The following VARS2 variants were observed in gnomAD, a reference collection of about 807,000 sequenced individuals.
VARS2 encodes the protein valyl-tRNA synthetase 2, mitochondrial, also known as valine--tRNA ligase, mitochondrial.
VARS2 carries 105 observed loss-of-function variants against 154.1 expected under a neutral mutation model. The ratio of observed to expected loss-of-function variants is 0.68; its 90% CI spans 0.58 to 0.80. The LOEUF (loss-of-function observed/expected upper bound fraction) is 0.80. VARS2 is among the 30% of genes least tolerant of loss of function. The pLI is 0.00. For synonymous variants in VARS2, 483 were observed against 539.5 expected (o/e 0.90, Z 1.45); for missense variants, 1,157 against 1,361.4 (o/e 0.85, Z 2.36).
chr6:30,920,928 T>G lies in VARS2; in HGVS notation c.1480-137T>G, dbSNP rs1268161258. On this transcript the variant is annotated intron_variant, in intron 15 of 29. Transcript: ENST00000676266. This position sits in a 1 kb window ranked among gnomAD's most constrained non-coding sequence, Gnocchi z 4.6. ...AGCAAGGGCTGGCTCATATCCTTAC[T>G]CAAGCCCAGAATCTTGGCAAGAGGC... The G allele has an allele frequency of 5.9e-6, 7 of 1,177,080 alleles. No individual in the cohort carries two copies. The highest frequency in any genetic ancestry group is 2.6e-4 in the Middle Eastern group (1 of 3,858). The allele number at this position is 1,177,080 out of a possible 1,614,324, so 72.9% of individuals were successfully genotyped here. A position where few individuals can be genotyped will look rare whatever the true frequency, so the allele number is the denominator to read the frequency against.
chr6:30,914,685 T>G, intron 1 of VARS2, 125 bp from the exon 2 acceptor site: 1 of 1,141,664 alleles, frequency 8.8e-7, no homozygotes, highest in Non-Finnish European at 1.2e-6. Flanking sequence ...AGGAAAGGTT[T>G]TGTGGAAGGG....
rs1794402762 is a variant in VARS2, at chr6:30,919,985, CAGAG to C, written c.1166-102_1166-99del. On this transcript the variant is annotated intron_variant, in intron 12 of 29. Coordinates refer to ENST00000676266, the MANE Select transcript of VARS2 (RefSeq NM_020442.6). The surrounding 1 kb of genome is among the most constrained non-coding windows in gnomAD (Gnocchi z 4.5). Reference sequence around the variant, plus strand: ...GTGGGGAATGGGAGGGAGGCACAGACAGAGAAAGTCGCAGGGGCTGGGGCGGTGC... The same window carrying C: ...GTGGGGAATGGGAGGGAGGCACAGACAAAGTCGCAGGGGCTGGGGCGGTGC... 1 of 640,286 alleles carries C rather than the reference CAGAG, an allele frequency of 1.6e-6. No homozygotes were observed. Among genetic ancestry groups the C allele is most frequent in the Non-Finnish European group, 2.1e-6 (1 of 465,460 alleles). 39.7% of individuals were successfully genotyped at this position (640,286 alleles called of 1,614,324 possible). A position where few individuals can be genotyped will look rare whatever the true frequency, so the allele number is the denominator to read the frequency against.
chr6:30,925,799 T>C, intron 28 of VARS2, 80 bp downstream of exon 28: 3 of 1,610,718 alleles, frequency 1.9e-6, no homozygotes, highest in South Asian at 2.2e-5. Flanking sequence ...CTCTATAAAG[T>C]AGGGGAAGGG....
Position 30,920,382 on chromosome 6 carries a change from A to C in VARS2, c.1343A>C (p.Glu448Ala). ...GAAAAGATAATGTCTGTGCTGAGTG[A>C]ATGGGGCCTGTTCCGGGGCCTCCAG... Reference protein sequence around the residue: ...AREKIMSVLSEWGLFRGLQNH... With the variant: ...AREKIMSVLSAWGLFRGLQNH... Residue 448 changes from glutamate (E) to alanine (A), a missense_variant, in exon 14 of 30, where the codon GAA becomes GCA. Coordinates refer to ENST00000676266, the MANE Select transcript of VARS2 (RefSeq NM_020442.6). The surrounding 1 kb of genome is among the most constrained non-coding windows in gnomAD (Gnocchi z 4.6). 6.2e-7 allele frequency: 1 copy of C among 1,613,350 alleles called. No individual in the cohort carries two copies. The highest frequency in any genetic ancestry group is 8.5e-7 in the Non-Finnish European group (1 of 1,179,688).
In VARS2 at chr6:30,919,616, G is replaced by T; in HGVS notation, c.1075-142G>T. On this transcript the variant is annotated intron_variant, in intron 11 of 29. Coordinates refer to ENST00000676266, the MANE Select transcript of VARS2 (RefSeq NM_020442.6). This position sits in a 1 kb window ranked among gnomAD's most constrained non-coding sequence, Gnocchi z 4.5. ...CAAAAGCCTAAAATATCTACATTCT[G>T]GCCCCTTAAGAGTTTGCTGACCTTG... 1 of 558,462 alleles carries T rather than the reference G, an allele frequency of 1.8e-6. No homozygotes were observed. The highest frequency in any genetic ancestry group is 3.1e-6 in the Non-Finnish European group (1 of 325,692). The allele number at this position is 558,462 out of a possible 1,614,324, so 34.6% of individuals were successfully genotyped here. A position where few individuals can be genotyped will look rare whatever the true frequency, so the allele number is the denominator to read the frequency against.
At chr6:30,922,287 C>T (rs1342340533) in intron 20 of VARS2, 46 bp downstream of exon 20, 9 of 1,597,340 alleles carry the variant, frequency 5.6e-6, no homozygotes, top group Non-Finnish European at 7.7e-6. Flanking sequence ...CTCCAGTGTT[C>T]CCCAAACCTT....
chr6:30,920,577 T>C lies in VARS2; in HGVS notation c.1398-91T>C. On this transcript the variant is annotated intron_variant, in intron 14 of 29. Transcript: ENST00000676266. This position sits in a 1 kb window ranked among gnomAD's most constrained non-coding sequence, Gnocchi z 4.6. ...GTTTTATTCGCTATTGTATCCTCAG[T>C]ACCAAGGGCCTGGCATGGCATGGGG... is the stretch of plus-strand genomic sequence containing the variant. 1 of 1,363,572 alleles carries C rather than the reference T, an allele frequency of 7.3e-7. No homozygotes were observed. The highest frequency in any genetic ancestry group is 1.9e-4 in the Middle Eastern group (1 of 5,374). 84.5% of individuals were successfully genotyped at this position (1,363,572 alleles called of 1,614,324 possible). A position where few individuals can be genotyped will look rare whatever the true frequency, so the allele number is the denominator to read the frequency against.
chr6:30,919,950 G>C lies in VARS2; in HGVS notation c.1165+102G>C. On this transcript the variant is annotated intron_variant, in intron 12 of 29. Transcript: ENST00000676266. This position sits in a 1 kb window ranked among gnomAD's most constrained non-coding sequence, Gnocchi z 4.5. ...GTGGGAGTGGGAGATCCTCATATAGGGTGGTCTGAGTGGGGAATGGGAGGG... is the reference window on the plus strand; with the variant it reads ...GTGGGAGTGGGAGATCCTCATATAGCGTGGTCTGAGTGGGGAATGGGAGGG... 1 of 1,474,054 alleles carries C rather than the reference G, an allele frequency of 6.8e-7. No homozygotes were observed. The highest frequency in any genetic ancestry group is 9.1e-7 in the Non-Finnish European group (1 of 1,100,266). 91.3% of individuals were successfully genotyped at this position (1,474,054 alleles called of 1,614,324 possible).
chr6:30,925,538 T>C lies in VARS2; in HGVS notation c.2786-6T>C, dbSNP rs200168128. 3.8e-4 allele frequency: 592 copies of C among 1,574,232 alleles called. No individual in the cohort carries two copies. Among genetic ancestry groups the C allele is most frequent in the Middle Eastern group, 1.7e-3 (9 of 5,270 alleles). On this transcript the variant is annotated splice_polypyrimidine_tract_variant and splice_region_variant and intron_variant, in intron 27 of 29. Coordinates refer to ENST00000676266, the MANE Select transcript of VARS2 (RefSeq NM_020442.6). The stretch of plus-strand genomic sequence containing the variant: ...GCCTTGCCCCTGACAGTTTCTTTCT[T>C]TCCAGTGCTGCTGCAGAGCTCAGAG...
rs760074789 is a variant in VARS2, at chr6:30,926,200, C to T, written c.3182C>T (p.Pro1061Leu). ...GATGAGCCTCCAGCCCCAGGGAGCCCGGAGCTCTAACTCATCATCCCCATC... is the reference window on the plus strand; with the variant it reads ...GATGAGCCTCCAGCCCCAGGGAGCCTGGAGCTCTAACTCATCATCCCCATC... The part of the protein sequence containing the change: ...LMDEPPAPGS[P>L]EL Residue 1061 changes from proline (P) to leucine (L), a missense_variant, in exon 30 of 30, where the codon CCG (proline) becomes CTG (leucine). Coordinates refer to ENST00000676266, the MANE Select transcript of VARS2 (RefSeq NM_020442.6). 19 of 1,613,060 alleles carry T rather than the reference C, an allele frequency of 1.2e-5. No individual in the cohort carries two copies. In the East Asian group the frequency reaches 1.8e-4, roughly 15 times the overall value.
Position 30,920,407 on chromosome 6 carries a change from G to A in VARS2, c.1368G>A (p.Gln456=). 6.2e-7 allele frequency: 1 copy of A among 1,612,570 alleles called. No individual in the cohort carries two copies. Among genetic ancestry groups the A allele is most frequent in the South Asian group, 1.1e-5 (1 of 90,816 alleles). The change falls in exon 14 of 30, where the codon CAG becomes CAA. Residue 456 remains glutamine, a synonymous_variant. Transcript: ENST00000676266. This position sits in a 1 kb window ranked among gnomAD's most constrained non-coding sequence, Gnocchi z 4.6. ...LSEWGLFRGL[Q]NHPMVLPICS... Reference sequence around the variant, plus strand: ...AATGGGGCCTGTTCCGGGGCCTCCAGAACCACCCCATGGTACTGCCCATCT... The same window carrying A: ...AATGGGGCCTGTTCCGGGGCCTCCAAAACCACCCCATGGTACTGCCCATCT...
intron 27 of VARS2, 41 bp downstream of exon 27, chr6:30,925,426 A>G (rs773197279): frequency 6.9e-6 from 11 of 1,586,502 alleles, no homozygotes; most frequent in Non-Finnish European, 9.4e-6. Flanking sequence ...CCTGCAGGAA[A>G]AGGGGGCTGG....
rs375376279 is a variant in VARS2 at position 30,915,137 on chromosome 6, T to C, written c.202-19T>C. 5.2e-5 allele frequency: 84 copies of C among 1,613,806 alleles called. 1 individual carries two copies. In the South Asian group the frequency reaches 7.0e-4, roughly 14 times the overall value. ...CTGGGGTATACTGGATCCCAGCCTC[T>C]TCTGCTTTCTCTTCTCAGTCACCTG... On this transcript the variant is annotated intron_variant, in intron 2 of 29. Transcript: ENST00000676266.
chr6:30,915,028 G>A lies in VARS2; in HGVS notation c.192G>A (p.Gly64=). ...CGACTCTGGAGGCTGAGATAGCAGG[G>A]GAGAGCAAGGTTAGGGGTCAGACAG... ...KQATLEAEIA[G]ESKSPAESIK... Residue 64 remains glycine, a synonymous_variant, in exon 2 of 30, where the codon GGG becomes GGA. Transcript: ENST00000676266. The A allele has an allele frequency of 6.2e-7, 1 of 1,613,424 alleles. No individual in the cohort carries two copies. Among genetic ancestry groups the A allele is most frequent in the South Asian group, 1.1e-5 (1 of 91,064 alleles).
Position 30,915,879 on chromosome 6 carries a change from G to A in VARS2, c.506+12G>A. 3.1e-6 allele frequency: 5 copies of A among 1,614,102 alleles called. No individual in the cohort carries two copies. Among genetic ancestry groups the A allele is most frequent in the Non-Finnish European group, 4.2e-6 (5 of 1,179,978 alleles). On this transcript the variant is annotated intron_variant, in intron 5 of 29. Transcript: ENST00000676266. ...GCCCTCGTGCGCTGGTGAGAGGGGAGTGGGGGCTGCTTGAGTTCTTGGAAG... is the reference window on the plus strand; with the variant it reads ...GCCCTCGTGCGCTGGTGAGAGGGGAATGGGGGCTGCTTGAGTTCTTGGAAG...
chr6:30,915,767 G>A lies in VARS2; in HGVS notation c.406G>A (p.Gly136Arg). 2 of 1,613,538 alleles carry A rather than the reference G, an allele frequency of 1.2e-6. No homozygotes were observed. Among genetic ancestry groups the A allele is most frequent in the Non-Finnish European group, 1.7e-6 (2 of 1,180,030 alleles). Residue 136 changes from glycine (G) to arginine (R), a missense_variant, in exon 5 of 30, where the codon GGG becomes AGG. Physicochemically the swap from Gly to Arg is moderately radical, Grantham distance 125. Transcript: ENST00000676266. The stretch of plus-strand genomic sequence containing the variant: ...CTAGGCCCGGCTGCCCCAAGCTACA[G>A]GGGAGACCTTTTCCATGTGTATCCC... Reference protein sequence around the residue: ...EYQARLPQATGETFSMCIPPP... With the variant: ...EYQARLPQATRETFSMCIPPP...
Position 30,924,458 on chromosome 6 carries a change from G to A in VARS2, c.2571G>A (p.Met857Ile). 3 of 1,612,564 alleles carry A rather than the reference G, an allele frequency of 1.9e-6. No individual in the cohort carries two copies. Among genetic ancestry groups the A allele is most frequent in the Middle Eastern group, 1.7e-4 (1 of 6,046 alleles). ...DLGLRLLAPL[M>I]PFLAEELWQR... Reference sequence around the variant, plus strand: ...GCCTCCGCCTCCTGGCCCCACTGATGCCCTTCCTGGCTGAAGAGCTCTGGC... The same window carrying A: ...GCCTCCGCCTCCTGGCCCCACTGATACCCTTCCTGGCTGAAGAGCTCTGGC... The change falls in exon 26 of 30, where the codon ATG (methionine) becomes ATA (isoleucine). Residue 857 changes from methionine to isoleucine, a missense_variant. Met to Ile is a conservative substitution (Grantham distance 10). Coordinates refer to ENST00000676266, the MANE Select transcript of VARS2 (RefSeq NM_020442.6).
In VARS2 at chr6:30,921,482, G is replaced by A; in HGVS notation, c.1633-107G>A. 6.9e-7 allele frequency: 1 copy of A among 1,449,426 alleles called. No individual in the cohort carries two copies. Among genetic ancestry groups the A allele is most frequent in the Non-Finnish European group, 9.5e-7 (1 of 1,055,584 alleles). The allele number at this position is 1,449,426 out of a possible 1,614,324, so 89.8% of individuals were successfully genotyped here. Reference sequence around the variant, plus strand: ...GTGGCATTTCTTTATCTCACCCCTGGGGGAACCTGGCCACTCTAAGACCAC... The same window carrying A: ...GTGGCATTTCTTTATCTCACCCCTGAGGGAACCTGGCCACTCTAAGACCAC... On this transcript the variant is annotated intron_variant, in intron 17 of 29. Coordinates refer to ENST00000676266, the MANE Select transcript of VARS2 (RefSeq NM_020442.6). This position sits in a 1 kb window ranked among gnomAD's most constrained non-coding sequence, Gnocchi z 4.6.
Position 30,925,892 on chromosome 6 carries a change from C to T in VARS2, c.2974C>T (p.Pro992Ser). 2 of 1,612,852 alleles carry T rather than the reference C, an allele frequency of 1.2e-6. No homozygotes were observed. The highest frequency in any genetic ancestry group is 1.7e-4 in the Middle Eastern group (1 of 5,890). Reference protein sequence around the residue: ...VYMELQGLVDPQIQLPLLAAR... With the variant: ...VYMELQGLVDSQIQLPLLAAR... Reference sequence around the variant, plus strand: ...TGTTCTTCCCCAGGGCCTGGTGGACCCGCAGATCCAGCTACCTCTGTTAGC... The same window carrying T: ...TGTTCTTCCCCAGGGCCTGGTGGACTCGCAGATCCAGCTACCTCTGTTAGC... Residue 992 changes from proline to serine, a missense_variant, in exon 29 of 30, where the codon CCG becomes TCG. Coordinates refer to ENST00000676266, the MANE Select transcript of VARS2 (RefSeq NM_020442.6).
Sources: gnomAD v4.1 joint callset for allele counts on GRCh38, gnomAD v4.1.1 for gene constraint, Gnocchi (gnomAD v3.1) non-coding constraint, MANE v1.5 for transcripts, NCBI Gene and HGNC (gene_info 2026-07-23, HGNC 2026-07-21) for gene names.